The following RIMS2 variants were observed in gnomAD, a reference collection of about 807,000 sequenced individuals.
RIMS2 encodes the protein regulating synaptic membrane exocytosis 2.
A neutral mutation model predicts 174.4 loss-of-function variants in RIMS2; 59 were observed. The observed-to-expected ratio is 0.34, with a 90% CI of 0.27 to 0.42. RIMS2 has a LOEUF of 0.42. Ranked by LOEUF, RIMS2 falls within the 10% of genes least tolerant of loss-of-function variation. The probability of loss-of-function intolerance (pLI) is 1.00; values close to 1 mark genes in which losing one functional copy is unlikely to be tolerated. For synonymous variants in RIMS2, 606 were observed against 572.5 expected, an observed-to-expected ratio of 1.06 and a Z score of -0.84; for missense variants, 1,620 against 1,666.3, an observed-to-expected ratio of 0.97 and a Z score of 0.48.
rs141748247 is a variant in RIMS2 at position 103,813,840 on chromosome 8, G to C, written c.698+47303G>C. On this transcript the variant is annotated intron_variant, in intron 3 of 23. Coordinates refer to ENST00000504942, the Ensembl canonical transcript of RIMS2. ...GGGTTGGTTCCAGGTCTTTGCTATT[G>C]TGAATAGTGCCGCAATAAATATATG... is the stretch of plus-strand genomic sequence containing the variant. Among the ~76,000 whole-genome samples, 323 of 152,154 alleles carry C rather than the reference G, an allele frequency of 2.1e-3. 1 individual carries two copies. Among genetic ancestry groups the C allele is most frequent in the African/African-American group, 7.4e-3 (309 of 41,482 alleles).
intron 1 of RIMS2, among the ~76,000 whole-genome samples, chr8:103,505,480 G>C (rs1823034028): frequency 6.6e-6 from 1 of 151,946 alleles, no homozygotes; most frequent in Non-Finnish European, 1.5e-5. Flanking sequence ...TCTTTAACTA[G>C]TACCATATTT....
intron 17 of RIMS2, among the ~76,000 whole-genome samples, chr8:104,005,216 T>C (rs1241194994): frequency 1.3e-5 from 2 of 152,216 alleles, no homozygotes; most frequent in East Asian, 3.8e-4. Context: ...GATTGGAAGT[T>C]GGATAGATAA....
At chr8:104,039,496 G>A (rs535918585) in intron 19 of RIMS2, among the ~76,000 whole-genome samples, 1 of 151,618 alleles carries the variant, frequency 6.6e-6, no homozygotes, top group Non-Finnish European at 1.5e-5. Flanking sequence ...CAAAATATAG[G>A]AAAATACTAG....
intron 1 of RIMS2, among the ~76,000 whole-genome samples, chr8:103,516,276 A>G (rs1047590616): frequency 2.6e-5 from 4 of 152,148 alleles, no homozygotes; most frequent in Admixed American, 2.6e-4. Flanking sequence ...GAGAAGAATT[A>G]TAGGAGTACA....
intron 19 of RIMS2, among the ~76,000 whole-genome samples, chr8:104,213,732 T>C (rs1003671019): frequency 2.0e-5 from 3 of 151,926 alleles, no homozygotes; most frequent in African/African-American, 4.8e-5. Flanking sequence ...CAAAAATTAG[T>C]TGGGCGTGGT....
chr8:104,209,910 A>G (rs2137608303), intron 19 of RIMS2, among the ~76,000 whole-genome samples: 1 of 152,338 alleles, frequency 6.6e-6, no homozygotes, highest in African/African-American at 2.4e-5. Context: ...AATTGAGTCT[A>G]TAAAAAGTAA....
intron 19 of RIMS2, among the ~76,000 whole-genome samples, chr8:104,104,021 G>A (rs1001773009): frequency 1.2e-4 from 19 of 152,160 alleles, no homozygotes; most frequent in African/African-American, 4.6e-4. Flanking sequence ...ACCTGAAGAT[G>A]GAGGAGGAGA....
chr8:103,827,790 G>A (rs1445851274), intron 3 of RIMS2, among the ~76,000 whole-genome samples: 7 of 151,934 alleles, frequency 4.6e-5, no homozygotes, highest in Admixed American at 2.6e-4. Flanking sequence ...AGCTGAGATC[G>A]TGCCACTGTA....
intron 1 of RIMS2, among the ~76,000 whole-genome samples, chr8:103,645,853 T>C (rs1374149592): frequency 2.0e-5 from 3 of 152,110 alleles, no homozygotes; most frequent in Admixed American, 6.6e-5. Context: ...TAATATTAAT[T>C]TCATACACGT....
intron 12 of RIMS2, among the ~76,000 whole-genome samples, chr8:103,931,804 A>C (rs2080006015): frequency 1.3e-5 from 2 of 152,064 alleles, no homozygotes; most frequent in African/African-American, 4.8e-5. Flanking sequence ...TACAATTTCT[A>C]CTTCCTCTTA....
At chr8:104,161,273 A>G (rs2098759334) in intron 19 of RIMS2, among the ~76,000 whole-genome samples, 1 of 152,162 alleles carries the variant, frequency 6.6e-6, no homozygotes, top group Non-Finnish European at 1.5e-5. Context: ...TGAAGTATGG[A>G]TAATGTTTAA....
intron 3 of RIMS2, among the ~76,000 whole-genome samples, chr8:103,852,098 G>T (rs1321792695): frequency 1.3e-5 from 2 of 151,966 alleles, no homozygotes; most frequent in Non-Finnish European, 2.9e-5. Flanking sequence ...CTTAGAGAGT[G>T]AAGAGGCTAT....
chr8:103,602,766 C>T (rs151141164), intron 1 of RIMS2, among the ~76,000 whole-genome samples: 1 of 152,264 alleles, frequency 6.6e-6, no homozygotes, highest in East Asian at 1.9e-4. Context: ...AATGACCATA[C>T]ACAAGTATGT....
chr8:104,010,430 T>C (rs1216954408), intron 17 of RIMS2, among the ~76,000 whole-genome samples: 1 of 152,166 alleles, frequency 6.6e-6, no homozygotes, highest in Non-Finnish European at 1.5e-5. Flanking sequence ...TTGTGGCCTA[T>C]TGTCAGTTCA....
chr8:104,237,809 G>C (rs2099266615), intron 19 of RIMS2, among the ~76,000 whole-genome samples: 1 of 152,094 alleles, frequency 6.6e-6, no homozygotes, highest in Non-Finnish European at 1.5e-5. Flanking sequence ...ATTTTGTTTA[G>C]ACTTTTAGAG....
intron 15 of RIMS2, among the ~76,000 whole-genome samples, chr8:103,970,683 C>T (rs1026210723): frequency 6.6e-6 from 1 of 152,190 alleles, no homozygotes; most frequent in South Asian, 2.1e-4. Flanking sequence ...AGTATCTTCT[C>T]CATAAGCTGT....
At chr8:103,532,280 C>G (rs1412589223) in intron 1 of RIMS2, among the ~76,000 whole-genome samples, 1 of 152,200 alleles carries the variant, frequency 6.6e-6, no homozygotes, top group Non-Finnish European at 1.5e-5. Flanking sequence ...AAAGTAGTTT[C>G]TGAATGTTCT....
intron 15 of RIMS2, among the ~76,000 whole-genome samples, chr8:103,967,008 A>G (rs2092005826): frequency 1.3e-5 from 2 of 151,668 alleles, no homozygotes; most frequent in African/African-American, 2.4e-5. Flanking sequence ...GGCCCAGAAT[A>G]TGCTCTATTT....
Position 103,885,331 on chromosome 8 carries a change from T to G in RIMS2, c.732T>G (p.Asn244Lys), listed in dbSNP as rs369996192. 1.9e-6 allele frequency: 3 copies of G among 1,609,062 alleles called. No individual in the cohort carries two copies. In the African/African-American group the frequency reaches 4.0e-5, roughly 22 times the overall value. The stretch of plus-strand genomic sequence containing the variant: ...GCCCATCTGTGTCCAGAGATCAGAA[T>G]AGAAGATACGACCAAAGGGAAGAAA... Residue 244 changes from asparagine to lysine, a missense_variant, in exon 4 of 24, where the codon AAT becomes AAG. By Grantham distance (94) the Asn-to-Lys change is moderately conservative. Transcript: ENST00000504942.
Sources: gnomAD v4.1 joint callset for allele counts (sites outside exome capture counted in the v4.1 genomes callset) on GRCh38, gnomAD v4.1.1 for gene constraint, MANE v1.5 for transcripts, NCBI Gene and HGNC (gene_info 2026-07-23, HGNC 2026-07-21) for gene names.